The following DENND2B variants were observed in gnomAD, a reference collection of about 807,000 sequenced individuals.
DENND2B encodes the protein DENN domain-containing protein 2B.
DENND2B carries 32 observed loss-of-function variants against 116.0 expected under a neutral mutation model. That is an observed-to-expected ratio of 0.28 (90% CI 0.21 to 0.37). DENND2B has a LOEUF of 0.37. Among genes scored for constraint, DENND2B ranks in the 10% least tolerant of loss-of-function variants. The probability of loss-of-function intolerance (pLI) is 1.00; values close to 1 mark genes in which losing one functional copy is unlikely to be tolerated. For missense variants in DENND2B, 1,276 were observed against 1,477.7 expected (o/e 0.86, Z 2.24); for synonymous variants, 588 against 583.9 (o/e 1.01, Z -0.10).
At chr11:8,898,608 T>C (rs2064129746) in intron 1 of DENND2B, among the ~76,000 whole-genome samples, 1 of 152,208 alleles carries the variant, frequency 6.6e-6, no homozygotes, top group Non-Finnish European at 1.5e-5. Context: ...CTACAACTCA[T>C]GGCCCAATTA....
At chr11:8,719,741 C>A (rs2045818400) in intron 4 of DENND2B, among the ~76,000 whole-genome samples, 1 of 152,160 alleles carries the variant, frequency 6.6e-6, no homozygotes. Context: ...AGGGAGAATG[C>A]CAGGACACAG....
intron 4 of DENND2B, among the ~76,000 whole-genome samples, chr11:8,720,538 C>A (rs2045977003): frequency 6.6e-6 from 1 of 152,228 alleles, no homozygotes; most frequent in Non-Finnish European, 1.5e-5. Context: ...CAATGTTTAA[C>A]ATCCTGTCTA....
chr11:8,859,034 C>A (rs956078759), intron 2 of DENND2B, among the ~76,000 whole-genome samples: 2 of 152,148 alleles, frequency 1.3e-5, no homozygotes, highest in Non-Finnish European at 2.9e-5. Context: ...GAAGACTGAG[C>A]CCTTGGGCGC....
chr11:8,753,884 A>G (rs2053047382), intron 1 of DENND2B, among the ~76,000 whole-genome samples: 1 of 152,194 alleles, frequency 6.6e-6, no homozygotes, highest in Non-Finnish European at 1.5e-5. Flanking sequence ...CCCACCTCAT[A>G]CCATATTTAA....
At chr11:8,812,338 C>T (rs560899071), upstream of DENND2B, among the ~76,000 whole-genome samples, 7 of 152,142 alleles carry the variant, frequency 4.6e-5, no homozygotes, top group Admixed American at 1.3e-4. Flanking sequence ...AGATGTAAAA[C>T]GTCCTGATGC....
chr11:8,782,750 G>T (rs1012182687), intron 1 of DENND2B, among the ~76,000 whole-genome samples: 2 of 151,774 alleles, frequency 1.3e-5, no homozygotes, highest in East Asian at 3.9e-4. Flanking sequence ...AGGCGGGCGT[G>T]GGGGTGGGTG....
chr11:8,698,863 A>C lies in DENND2B; in HGVS notation c.2940+70T>G, dbSNP rs1349885636. On this transcript the variant is annotated intron_variant, in intron 16 of 19. Transcript: ENST00000313726. ...AGAGAGCTCAACAAACAGGTTGTGA[A>C]GGTTGAGTAGTGTGTGTGATGGTGC... 4 of 1,561,808 alleles carry C rather than the reference A, an allele frequency of 2.6e-6. No homozygotes were observed. The African/African-American group carries it at 5.4e-5, about 21-fold the overall frequency.
intron 1 of DENND2B, among the ~76,000 whole-genome samples, chr11:8,900,228 G>T (rs1023134950): frequency 6.6e-6 from 1 of 150,870 alleles, no homozygotes; most frequent in Non-Finnish European, 1.5e-5. Flanking sequence ...GTTCGAGACT[G>T]TCCTGGCTAA....
chr11:8,768,022 G>C (rs952965579), intron 1 of DENND2B, among the ~76,000 whole-genome samples: 2 of 151,976 alleles, frequency 1.3e-5, no homozygotes, highest in East Asian at 1.9e-4. Flanking sequence ...ACAAAAGAAA[G>C]AGATCTAGAT....
intron 3 of DENND2B, among the ~76,000 whole-genome samples, chr11:8,847,951 G>GA (rs1371639381): frequency 1.8e-4 from 27 of 151,996 alleles, no homozygotes; most frequent in Non-Finnish European, 3.8e-4. Context: ...AAGTTTAATA[G>GA]AAAAAAATGC....
At chr11:8,754,450 G>C (rs957878564) in intron 1 of DENND2B, among the ~76,000 whole-genome samples, 1 of 152,140 alleles carries the variant, frequency 6.6e-6, no homozygotes, top group African/African-American at 2.4e-5. Flanking sequence ...AGAGAAATTG[G>C]AACTTTCATT....
chr11:8,699,785 T>A lies in DENND2B; in HGVS notation c.2721-395A>T, dbSNP rs573066545. 5.4e-4 allele frequency: 243 copies of A among 449,912 alleles called. 1 individual carries two copies. Among genetic ancestry groups the A allele is most frequent in the African/African-American group, 4.1e-3 (207 of 50,194 alleles). The allele number at this position is 449,912 out of a possible 1,614,324, so 27.9% of individuals were successfully genotyped here. On this transcript the variant is annotated intron_variant, in intron 14 of 19. Transcript: ENST00000313726. ...ACCCTCTCCCACCCCACATCAGAAC[T>A]AGGCAAGAGGGACAAAGAACTTGTG... is the stretch of plus-strand genomic sequence containing the variant.
At chr11:8,898,299 G>C (rs1424202482) in intron 1 of DENND2B, among the ~76,000 whole-genome samples, 1 of 151,930 alleles carries the variant, frequency 6.6e-6, no homozygotes, top group Non-Finnish European at 1.5e-5. Flanking sequence ...GGCTGAGGAG[G>C]GACAACTGCT....
At chr11:8,743,623 T>C (rs2050667342) in intron 2 of DENND2B, among the ~76,000 whole-genome samples, 1 of 152,124 alleles carries the variant, frequency 6.6e-6, no homozygotes, top group African/African-American at 2.4e-5. Context: ...AAAGGCCTCC[T>C]AAGAATCTTA....
chr11:8,885,849 A>C (rs2063954443), intron 1 of DENND2B, among the ~76,000 whole-genome samples: 1 of 152,208 alleles, frequency 6.6e-6, no homozygotes, highest in African/African-American at 2.4e-5. Flanking sequence ...ATAATTAATA[A>C]GTTTTGTATG....
chr11:8,719,872 T>C (rs1328787005), intron 4 of DENND2B, among the ~76,000 whole-genome samples: 3 of 152,194 alleles, frequency 2.0e-5, no homozygotes, highest in Non-Finnish European at 4.4e-5. Flanking sequence ...AGGGCCTTTA[T>C]TGTCATCCCC....
At chr11:8,899,308 T>C (rs939708856) in intron 1 of DENND2B, among the ~76,000 whole-genome samples, 1 of 150,614 alleles carries the variant, frequency 6.6e-6, no homozygotes, top group South Asian at 2.1e-4. Context: ...CTGAAAACTT[T>C]ATAAATTTGA....
chr11:8,839,226 A>G (rs990698112), intron 4 of DENND2B: 3 of 152,268 alleles, frequency 2.0e-5, no homozygotes, highest in Non-Finnish European at 4.4e-5. Context: ...AGGGACCCGA[A>G]CAAGGATCTT....
intron 1 of DENND2B, among the ~76,000 whole-genome samples, chr11:8,773,966 G>C (rs554302646): frequency 6.6e-6 from 1 of 152,206 alleles, no homozygotes; most frequent in South Asian, 2.1e-4. Flanking sequence ...GGTGATCTTT[G>C]GGTATGAAAC....
Sources: allele counts gnomAD v4.1 joint callset (sites outside exome capture counted in the v4.1 genomes callset), GRCh38; gene constraint gnomAD v4.1.1; transcripts MANE v1.5; gene names NCBI Gene and HGNC (gene_info 2026-07-23, HGNC 2026-07-21).